The following B3GALT1 variants were observed in gnomAD, a reference collection of about 807,000 sequenced individuals.
The protein encoded by B3GALT1 is beta-1,3-galactosyltransferase 1.
Under a neutral mutation model 23.2 loss-of-function variants are expected in B3GALT1, and 10 were observed. The observed-to-expected ratio is 0.43, with a 90% CI of 0.27 to 0.73. The LOEUF (loss-of-function observed/expected upper bound fraction) is 0.73. Ranked by LOEUF, B3GALT1 falls within the 30% of genes least tolerant of loss-of-function variation. The pLI is 0.21. For synonymous variants in B3GALT1, 156 were observed against 141.5 expected (o/e 1.10, Z -0.73); for missense variants, 299 against 405.4 (o/e 0.74, Z 2.25).
At chr2:167,832,737 C>G (rs1175661094) in intron 4 of B3GALT1, among the ~76,000 whole-genome samples, 1 of 152,212 alleles carries the variant, frequency 6.6e-6, no homozygotes, top group Non-Finnish European at 1.5e-5. Flanking sequence ...AGATTTTAAA[C>G]AGCAAAGTGC....
chr2:167,815,828 T>C (rs1688983301), intron 3 of B3GALT1, among the ~76,000 whole-genome samples: 1 of 152,170 alleles, frequency 6.6e-6, no homozygotes, highest in Non-Finnish European at 1.5e-5. Flanking sequence ...AAATGTTGAG[T>C]CTAAGCTATT....
intron 1 of B3GALT1, among the ~76,000 whole-genome samples, chr2:167,455,167 T>TCTATGTAGGTC (rs1285234835): frequency 1.3e-5 from 2 of 152,230 alleles, no homozygotes; most frequent in Admixed American, 1.3e-4. Context: ...CCCATGATTT[T>TCTATGTAGGTC]CCTAGATTGA....
intron 2 of B3GALT1, among the ~76,000 whole-genome samples, chr2:167,534,115 CT>C (rs1683376610): frequency 2.0e-5 from 3 of 151,996 alleles, no homozygotes; most frequent in Admixed American, 2.0e-4. Flanking sequence ...TGGTGTATTT[CT>C]TTTTATTAAT....
chr2:167,305,673 C>A (rs1696541132), intron 1 of B3GALT1, among the ~76,000 whole-genome samples: 1 of 152,018 alleles, frequency 6.6e-6, no homozygotes, highest in Non-Finnish European at 1.5e-5. Flanking sequence ...AGGCCCCTAC[C>A]CAGGTTTGCA....
chr2:167,446,875 C>T (rs186569748), intron 1 of B3GALT1, among the ~76,000 whole-genome samples: 1 of 152,328 alleles, frequency 6.6e-6, no homozygotes, highest in Non-Finnish European at 1.5e-5. Context: ...CAAAGTCATT[C>T]TCCATCCAAC....
At chr2:167,807,676 A>G (rs901359263) in intron 3 of B3GALT1, among the ~76,000 whole-genome samples, 8 of 152,164 alleles carry the variant, frequency 5.3e-5, no homozygotes, top group Admixed American at 2.0e-4. Flanking sequence ...TGTGGTCTGA[A>G]ACACAGTTTG....
At chr2:167,716,101 A>G in intron 3 of B3GALT1, 2 of 1,516,380 alleles carry the variant, frequency 1.3e-6, no homozygotes, top group Non-Finnish European at 1.8e-6. Context: ...CGCAGTTAAC[A>G]CTGGCCACAA....
At chr2:167,346,970 T>A (rs937656227) in intron 1 of B3GALT1, among the ~76,000 whole-genome samples, 1 of 152,184 alleles carries the variant, frequency 6.6e-6, no homozygotes, top group African/African-American at 2.4e-5. Context: ...ATTGTAAAAG[T>A]TCATATAAAT....
chr2:167,547,538 A>G (rs976089136), intron 2 of B3GALT1, among the ~76,000 whole-genome samples: 11 of 152,048 alleles, frequency 7.2e-5, no homozygotes, highest in Non-Finnish European at 1.5e-4. Flanking sequence ...TACTAAAAAT[A>G]CAAAAATTAG....
intron 3 of B3GALT1, among the ~76,000 whole-genome samples, chr2:167,783,252 G>C (rs2105321667): frequency 6.6e-6 from 1 of 152,148 alleles, no homozygotes; most frequent in Admixed American, 6.5e-5. Context: ...AGCTCAAAAA[G>C]AGTACACGGA....
intron 3 of B3GALT1, among the ~76,000 whole-genome samples, chr2:167,724,662 G>A (rs1462242482): frequency 6.6e-6 from 1 of 152,070 alleles, no homozygotes; most frequent in East Asian, 1.9e-4. Flanking sequence ...TTATATATTA[G>A]AAATAAATCA....
At chr2:167,757,037 A>C (rs987796479) in intron 3 of B3GALT1, among the ~76,000 whole-genome samples, 7 of 152,108 alleles carry the variant, frequency 4.6e-5, no homozygotes, top group African/African-American at 1.7e-4. Context: ...GTTTGGGACA[A>C]GTTACTTATT....
At chr2:167,429,778 A>G (rs1698681524) in intron 1 of B3GALT1, among the ~76,000 whole-genome samples, 1 of 152,218 alleles carries the variant, frequency 6.6e-6, no homozygotes, top group East Asian at 1.9e-4. Flanking sequence ...TACCAACGTC[A>G]TAGGGATGTG....
chr2:167,302,435 A>T (rs893078900), intron 1 of B3GALT1, among the ~76,000 whole-genome samples: 1 of 152,098 alleles, frequency 6.6e-6, no homozygotes, highest in Non-Finnish European at 1.5e-5. Context: ...TGATATGCTT[A>T]ATTTTGGAAG....
At chr2:167,435,555 G>A (rs1405595608) in intron 1 of B3GALT1, among the ~76,000 whole-genome samples, 1 of 149,980 alleles carries the variant, frequency 6.7e-6, no homozygotes, top group Non-Finnish European at 1.5e-5. Flanking sequence ...GTTCTTAGAT[G>A]TATATCTGGG....
intron 3 of B3GALT1, among the ~76,000 whole-genome samples, chr2:167,688,259 T>A (rs1178661172): frequency 6.6e-6 from 1 of 152,112 alleles, no homozygotes; most frequent in East Asian, 1.9e-4. Flanking sequence ...AGGACCATTG[T>A]CAGACCAAAA....
At chr2:167,837,811 A>G (rs1217144540) in intron 4 of B3GALT1, among the ~76,000 whole-genome samples, 65 of 151,488 alleles carry the variant, frequency 4.3e-4, no homozygotes, top group African/African-American at 1.5e-3. Context: ...AAAGAACAGA[A>G]ATTATAACAA....
chr2:167,761,968 A>G (rs896981927), intron 3 of B3GALT1, among the ~76,000 whole-genome samples: 1 of 152,212 alleles, frequency 6.6e-6, no homozygotes. Flanking sequence ...AGGTATGCAA[A>G]TAAGTATTAG....
chr2:167,603,925 C>T (rs1237629615), intron 2 of B3GALT1, among the ~76,000 whole-genome samples: 1 of 149,988 alleles, frequency 6.7e-6, no homozygotes, highest in East Asian at 2.0e-4. Context: ...AGAACAAAAA[C>T]GACTGCAATT....
Sources: allele counts gnomAD v4.1 joint callset (sites outside exome capture counted in the v4.1 genomes callset), GRCh38; gene constraint gnomAD v4.1.1; transcripts MANE v1.5; gene names NCBI Gene and HGNC (gene_info 2026-07-23, HGNC 2026-07-21).